The following METTL15 variants were observed in gnomAD, a reference collection of about 807,000 sequenced individuals.
METTL15 encodes the protein methyltransferase 15, mitochondrial 12S rRNA N4-cytidine.
Under a neutral mutation model 38.3 loss-of-function variants are expected in METTL15, and 34 were observed. The ratio of observed to expected loss-of-function variants is 0.89; its 90% CI spans 0.68 to 1.18. METTL15 has a LOEUF of 1.18. METTL15 is among the 50% of genes most tolerant of loss of function. The pLI, the probability that METTL15 is intolerant of heterozygous loss-of-function variation, is 0.00. For missense variants in METTL15, 438 were observed against 498.4 expected, an observed-to-expected ratio of 0.88 and a Z score of 1.15; for synonymous variants, 162 against 170.9, an observed-to-expected ratio of 0.95 and a Z score of 0.41.
chr11:28,475,786 C>G (rs1251034990), intron 6 of METTL15, among the ~76,000 whole-genome samples: 2 of 152,174 alleles, frequency 1.3e-5, no homozygotes, highest in East Asian at 3.8e-4. Context: ...AGCCAACCTT[C>G]CAGATCACAC....
intron 5 of METTL15, among the ~76,000 whole-genome samples, chr11:28,415,060 C>T (rs545008658): frequency 1.4e-3 from 220 of 152,280 alleles, no homozygotes; most frequent in African/African-American, 5.2e-3. Flanking sequence ...TGTCATTGGG[C>T]ACTCCAGAAA....
At chr11:28,118,862 TACATAA>T (rs889718380) in intron 3 of METTL15, among the ~76,000 whole-genome samples, 59 of 152,348 alleles carry the variant, frequency 3.9e-4, no homozygotes, top group African/African-American at 1.4e-3. Context: ...TGAGTTAATA[TACATAA>T]ATTGTTTAGA....
At chr11:28,109,367 G>A (rs955181120) in intron 1 of METTL15, among the ~76,000 whole-genome samples, 10 of 152,310 alleles carry the variant, frequency 6.6e-5, no homozygotes, top group African/African-American at 1.4e-4. Flanking sequence ...TTTATTTCCA[G>A]TAAGAACTCA....
intron 6 of METTL15, among the ~76,000 whole-genome samples, chr11:28,477,912 C>T (rs1851360564): frequency 6.6e-6 from 1 of 151,924 alleles, no homozygotes; most frequent in South Asian, 2.1e-4. Flanking sequence ...TTTTCCTTTC[C>T]ATTTTAGAAT....
chr11:28,458,058 T>G (rs974840953), intron 6 of METTL15, among the ~76,000 whole-genome samples: 5 of 152,170 alleles, frequency 3.3e-5, no homozygotes, highest in African/African-American at 1.2e-4. Context: ...CCTGAGTGTA[T>G]CTTATCTTTC....
At chr11:28,467,427 A>G (rs986231160) in intron 6 of METTL15, among the ~76,000 whole-genome samples, 5 of 152,138 alleles carry the variant, frequency 3.3e-5, no homozygotes, top group Non-Finnish European at 7.4e-5. Context: ...AGAGGCTCCA[A>G]ACTGCCTCCT....
intron 6 of METTL15, among the ~76,000 whole-genome samples, chr11:28,521,711 G>C (rs1370245919): frequency 6.6e-6 from 1 of 151,976 alleles, no homozygotes; most frequent in Admixed American, 6.6e-5. Context: ...AGCAGAGTAG[G>C]GTCAGGGTAT....
rs186651456 is a variant in METTL15, at chr11:28,394,855, T to C, written c.*359-29444T>C. On this transcript the variant is annotated intron_variant and NMD_transcript_variant, in intron 5 of 7. Coordinates refer to the METTL15 transcript ENST00000532947. The stretch of plus-strand genomic sequence containing the variant: ...AACAGTCATGTGTTACTTACCTTTA[T>C]TTATACACCATGATGTCTGATACAT... 7.2e-3 allele frequency among the ~76,000 whole-genome samples: 1,102 copies of C among 152,204 alleles called. 12 individuals are homozygous for C. The highest frequency in any genetic ancestry group is 8.9e-3 in the Non-Finnish European group (603 of 68,002).
At chr11:28,493,566 G>T (rs1851513806) in intron 6 of METTL15, among the ~76,000 whole-genome samples, 1 of 152,180 alleles carries the variant, frequency 6.6e-6, no homozygotes, top group Admixed American at 6.5e-5. Context: ...TGGGCAGAGA[G>T]GATCCCATGT....
chr11:28,245,230 C>G (rs1245580477), intron 4 of METTL15, among the ~76,000 whole-genome samples: 3 of 152,180 alleles, frequency 2.0e-5, no homozygotes, highest in African/African-American at 7.2e-5. Context: ...TACTTAATCT[C>G]CATGCTTGTG....
intron 5 of METTL15, among the ~76,000 whole-genome samples, chr11:28,404,980 C>G (rs749397213): frequency 2.0e-5 from 3 of 151,996 alleles, no homozygotes; most frequent in Non-Finnish European, 2.9e-5. Flanking sequence ...CTGATTAGAT[C>G]TTCTTCAAGC....
chr11:28,310,854 T>G (rs1158520459), intron 6 of METTL15, among the ~76,000 whole-genome samples: 1 of 150,480 alleles, frequency 6.6e-6, no homozygotes, highest in Non-Finnish European at 1.5e-5. Context: ...GTTGAAATAT[T>G]TTCATCTTTA....
chr11:28,218,240 G>A lies in METTL15; in HGVS notation c.407+7042G>A, dbSNP rs549879242. On this transcript the variant is annotated intron_variant, in intron 4 of 6. Transcript: ENST00000407364. The stretch of plus-strand genomic sequence containing the variant: ...GTATCCTCTTTTATTTCCTTGAGCC[G>A]TGGTTTGTAGTTGTCCTGGAAGAAG... Among the ~76,000 whole-genome samples, 34 of 152,198 alleles carry A rather than the reference G, an allele frequency of 2.2e-4. No individual in the cohort carries two copies. The East Asian group carries it at 4.3e-3, about 19-fold the overall frequency.
chr11:28,395,634 C>A (rs567561366), intron 5 of METTL15, among the ~76,000 whole-genome samples: 2 of 152,202 alleles, frequency 1.3e-5, no homozygotes, highest in South Asian at 4.1e-4. Flanking sequence ...AGTCCAGGAC[C>A]AGAAGGATTC....
intron 3 of METTL15, among the ~76,000 whole-genome samples, chr11:28,169,245 G>A (rs1390630967): frequency 2.0e-5 from 3 of 152,026 alleles, no homozygotes; most frequent in Non-Finnish European, 4.4e-5. Flanking sequence ...AACTAGATAG[G>A]GTTATTAGTG....
intron 6 of METTL15, among the ~76,000 whole-genome samples, chr11:28,432,382 A>C (rs1368164341): frequency 6.6e-6 from 1 of 152,200 alleles, no homozygotes; most frequent in Non-Finnish European, 1.5e-5. Context: ...AACTAAGTCT[A>C]CTTATGTACA....
At chr11:28,124,555 G>A (rs1046100361) in intron 3 of METTL15, among the ~76,000 whole-genome samples, 4 of 152,098 alleles carry the variant, frequency 2.6e-5, no homozygotes, top group Non-Finnish European at 5.9e-5. Flanking sequence ...GCCAACTAGA[G>A]CCATTAAGTG....
At chr11:28,373,291 T>A (rs1850266587) in intron 5 of METTL15, among the ~76,000 whole-genome samples, 1 of 152,132 alleles carries the variant, frequency 6.6e-6, no homozygotes, top group African/African-American at 2.4e-5. Context: ...TGTTGTTTCC[T>A]GACTTTTTAA....
Position 28,478,100 on chromosome 11 carries a change from A to C in METTL15, c.*425-48378A>C, listed in dbSNP as rs1251463384. 3.9e-5 allele frequency among the ~76,000 whole-genome samples: 6 copies of C among 152,234 alleles called. No individual in the cohort carries two copies. The East Asian group carries it at 1.2e-3, about 29-fold the overall frequency. Reference sequence around the variant, plus strand: ...GCTATAAAACTTTATTTTATATTTTATTTTGTTATTTTAGACCTATGTCCA... The same window carrying C: ...GCTATAAAACTTTATTTTATATTTTCTTTTGTTATTTTAGACCTATGTCCA... On this transcript the variant is annotated intron_variant and NMD_transcript_variant, in intron 6 of 7. Transcript: ENST00000532947.
Sources: allele counts gnomAD v4.1 joint callset (sites outside exome capture counted in the v4.1 genomes callset), GRCh38; gene constraint gnomAD v4.1.1; transcripts MANE v1.5; gene names NCBI Gene and HGNC (gene_info 2026-07-23, HGNC 2026-07-21).